GPC6: variants seen among roughly 807,000 people sequenced by gnomAD.
GPC6 encodes glypican-6.
GPC6 carries 14 observed loss-of-function variants against 55.2 expected under a neutral mutation model. The observed-to-expected ratio is 0.25, with a 90% CI of 0.17 to 0.40. The LOEUF (loss-of-function observed/expected upper bound fraction) is 0.40. Ranked by LOEUF, GPC6 falls within the 10% of genes least tolerant of loss-of-function variation. GPC6 has a pLI of 1.00. For missense variants in GPC6, 641 were observed against 708.5 expected (o/e 0.90, Z 1.08); for synonymous variants, 278 against 259.6 (o/e 1.07, Z -0.68).
chr13:93,530,592 G>A (rs1011550647), intron 1 of GPC6, among the ~76,000 whole-genome samples: 2 of 152,106 alleles, frequency 1.3e-5, no homozygotes, highest in South Asian at 2.1e-4. Flanking sequence ...TGCTAGAACC[G>A]GCGCATATTG....
At chr13:94,350,908 G>C (rs1289177524) in intron 6 of GPC6, among the ~76,000 whole-genome samples, 1 of 152,160 alleles carries the variant, frequency 6.6e-6, no homozygotes, top group Non-Finnish European at 1.5e-5. Context: ...CACAGTAAAG[G>C]AAATTGGCAT....
At chr13:93,401,736 C>T (rs1245088361) in intron 1 of GPC6, among the ~76,000 whole-genome samples, 6 of 126,380 alleles carry the variant, frequency 4.7e-5, no homozygotes, top group African/African-American at 1.5e-4. Context: ...CAATTTCAAG[C>T]TTTTGGAAAG....
intron 1 of GPC6, among the ~76,000 whole-genome samples, chr13:93,480,697 C>T (rs1879483015): frequency 1.3e-5 from 2 of 152,178 alleles, no homozygotes. Context: ...AATCTACCTT[C>T]TGTCTCTATA....
chr13:93,385,330 C>T (rs575062476), intron 1 of GPC6, among the ~76,000 whole-genome samples: 3 of 152,318 alleles, frequency 2.0e-5, no homozygotes, highest in South Asian at 2.1e-4. Context: ...CCTGTCATGC[C>T]GCCTTTCATA....
At chr13:93,236,947 A>G (rs1027144568) in intron 1 of GPC6, among the ~76,000 whole-genome samples, 2 of 152,128 alleles carry the variant, frequency 1.3e-5, no homozygotes, top group African/African-American at 4.8e-5. Flanking sequence ...TATATTCCAA[A>G]TTCTTTTTAT....
chr13:94,060,199 C>T (rs1335430651), intron 4 of GPC6, among the ~76,000 whole-genome samples: 1 of 152,158 alleles, frequency 6.6e-6, no homozygotes, highest in Admixed American at 6.6e-5. Flanking sequence ...TTGCAATCTG[C>T]CCTGTCTCCA....
intron 6 of GPC6, among the ~76,000 whole-genome samples, chr13:94,357,197 C>T (rs187646686): frequency 6.6e-6 from 1 of 152,330 alleles, no homozygotes; most frequent in Non-Finnish European, 1.5e-5. Flanking sequence ...TCTCTGGCCC[C>T]AACTCCTGCC....
intron 4 of GPC6, among the ~76,000 whole-genome samples, chr13:94,061,704 A>G (rs571025297): frequency 1.3e-5 from 2 of 151,900 alleles, no homozygotes; most frequent in South Asian, 2.1e-4. Flanking sequence ...TGCTGATGCC[A>G]TTATCCCTCC....
chr13:93,949,182 AT>A (rs1434819302), intron 3 of GPC6, among the ~76,000 whole-genome samples: 5 of 152,358 alleles, frequency 3.3e-5, no homozygotes, highest in African/African-American at 9.6e-5. Flanking sequence ...TTTCAAAAAA[AT>A]GTTTGTTTTC....
At chr13:93,939,738 C>A (rs1047623545) in intron 3 of GPC6, among the ~76,000 whole-genome samples, 7 of 152,126 alleles carry the variant, frequency 4.6e-5, no homozygotes, top group African/African-American at 1.7e-4. Context: ...GCATGAGCCA[C>A]TGCACCTAAC....
intron 3 of GPC6, among the ~76,000 whole-genome samples, chr13:93,872,884 A>C (rs994773019): frequency 3.4e-4 from 52 of 151,988 alleles, no homozygotes; most frequent in African/African-American, 1.3e-3. Flanking sequence ...ATACAGAAAA[A>C]TTATGCCATC....
intron 1 of GPC6, among the ~76,000 whole-genome samples, chr13:93,441,087 T>C (rs1566359025): frequency 6.6e-6 from 1 of 152,212 alleles, no homozygotes; most frequent in Non-Finnish European, 1.5e-5. Flanking sequence ...CTTAATCCAG[T>C]CTATCATTGA....
At chr13:94,005,458 C>T (rs1399850223) in intron 3 of GPC6, among the ~76,000 whole-genome samples, 1 of 152,166 alleles carries the variant, frequency 6.6e-6, no homozygotes, top group Admixed American at 6.5e-5. Context: ...CTTTCAGCCT[C>T]TCTCTTCTTT....
At chr13:93,494,410 T>C (rs1013112210) in intron 1 of GPC6, among the ~76,000 whole-genome samples, 4 of 151,136 alleles carry the variant, frequency 2.6e-5, no homozygotes, top group Non-Finnish European at 5.9e-5. Context: ...TTTGAGCCTA[T>C]GTGTGTCTCT....
chr13:94,186,036 G>A (rs1254761340), intron 4 of GPC6, among the ~76,000 whole-genome samples: 2 of 108,280 alleles, frequency 1.8e-5, no homozygotes, highest in African/African-American at 7.3e-5. Flanking sequence ...CTCCAGCCTA[G>A]GTGACAGAGC....
intron 2 of GPC6, among the ~76,000 whole-genome samples, chr13:93,649,825 T>G (rs1303195891): frequency 6.6e-6 from 1 of 152,156 alleles, no homozygotes; most frequent in African/African-American, 2.4e-5. Context: ...GGGAAGCAAC[T>G]CCTGTCATGT....
intron 1 of GPC6, among the ~76,000 whole-genome samples, chr13:93,527,922 T>C (rs1881717590): frequency 6.6e-6 from 1 of 152,180 alleles, no homozygotes; most frequent in Non-Finnish European, 1.5e-5. Flanking sequence ...TCTTGTGACA[T>C]TTCTAGCCAC....
chr13:94,048,775 T>C (rs1883826502), intron 4 of GPC6, among the ~76,000 whole-genome samples: 2 of 152,100 alleles, frequency 1.3e-5, no homozygotes, highest in African/African-American at 4.8e-5. Flanking sequence ...GATTCCCTTC[T>C]GACTTAATTC....
At chr13:94,238,166 G>A (rs925940593) in intron 4 of GPC6, among the ~76,000 whole-genome samples, 8 of 152,172 alleles carry the variant, frequency 5.3e-5, no homozygotes, top group African/African-American at 1.7e-4. Flanking sequence ...TTAAATTGGA[G>A]ACGGCTTTTA....
Sources: allele counts gnomAD v4.1 joint callset (sites outside exome capture counted in the v4.1 genomes callset), GRCh38; gene constraint gnomAD v4.1.1; transcripts MANE v1.5; gene names NCBI Gene and HGNC (gene_info 2026-07-23, HGNC 2026-07-21).